C1QTNF9: variants seen among roughly 807,000 people sequenced by gnomAD.
C1QTNF9 encodes C1q and TNF related 9, also known as complement C1q and tumor necrosis factor-related protein 9A.
C1QTNF9 carries 6 observed loss-of-function variants against 10.1 expected under a neutral mutation model. The ratio of observed to expected loss-of-function variants is 0.59; its 90% confidence interval spans 0.32 to 1.17. The LOEUF is 1.17. C1QTNF9 is among the 50% of genes most tolerant of loss of function. C1QTNF9 has a pLI of 0.04. For missense variants in C1QTNF9, 201 were observed against 418.8 expected (o/e 0.48, Z 4.54); for synonymous variants, 98 against 163.5 (o/e 0.60, Z 3.06).
chr13:24,319,463 T>G (rs1374269177), intron 3 of C1QTNF9, among the ~76,000 whole-genome samples: 1 of 152,008 alleles, frequency 6.6e-6, no homozygotes, highest in Non-Finnish European at 1.5e-5. Context: ...CGCTTGAGCC[T>G]GGGAGGTTGG....
chr13:24,310,769 A>G (rs1301065245), intron 1 of C1QTNF9, among the ~76,000 whole-genome samples: 21 of 151,712 alleles, frequency 1.4e-4, no homozygotes, highest in Admixed American at 1.3e-4. Flanking sequence ...AAAATTAGCC[A>G]GGCGTGGTGG....
intron 1 of C1QTNF9, among the ~76,000 whole-genome samples, chr13:24,311,898 C>T (rs1476495317): frequency 2.0e-5 from 3 of 152,258 alleles, no homozygotes; most frequent in East Asian, 1.9e-4. Context: ...CGGGAAAGGG[C>T]ACCCCCTTAC....
At chr13:24,313,474 G>C (rs1418738714) in intron 1 of C1QTNF9, among the ~76,000 whole-genome samples, 1 of 152,188 alleles carries the variant, frequency 6.6e-6, no homozygotes, top group African/African-American at 2.4e-5. Context: ...ATTTCGATTT[G>C]ACTGCTTCCG....
chr13:24,317,505 T>C (rs930502178), intron 2 of C1QTNF9, among the ~76,000 whole-genome samples: 1 of 152,110 alleles, frequency 6.6e-6, no homozygotes. Flanking sequence ...ATTATGTATC[T>C]ATTTTTCTAC....
upstream of C1QTNF9, among the ~76,000 whole-genome samples, chr13:24,308,586 G>A (rs1282228023): frequency 6.6e-6 from 1 of 152,238 alleles, no homozygotes; most frequent in Non-Finnish European, 1.5e-5. Context: ...AGGCGGGAGA[G>A]GGAGTCGGCG....
At chr13:24,309,283 T>TTTTATATATATATATATATATATATA (rs1422107558), upstream of C1QTNF9, among the ~76,000 whole-genome samples, 1 of 68,290 alleles carries the variant, frequency 1.5e-5, no homozygotes, top group African/African-American at 4.9e-5. Context: ...ACTTAAAGTA[T>TTTTATATATATATATATATATATATA]TATATATATA....
chr13:24,312,635 T>A (rs1877872077), intron 1 of C1QTNF9, among the ~76,000 whole-genome samples: 1 of 152,150 alleles, frequency 6.6e-6, no homozygotes, highest in Non-Finnish European at 1.5e-5. Context: ...ATAGGAGGTA[T>A]AAACTTGCTA....
chr13:24,310,618 G>A (rs1877777372), intron 1 of C1QTNF9, among the ~76,000 whole-genome samples: 1 of 151,458 alleles, frequency 6.6e-6, no homozygotes, highest in Non-Finnish European at 1.5e-5. Context: ...TAACTGTCAA[G>A]ATATGTTGAA....
At chr13:24,315,987 A>G (rs1878006198) in exon 2 of C1QTNF9, 1 of 1,613,748 alleles carries the variant, frequency 6.2e-7, no homozygotes, top group South Asian at 1.1e-5. Context: ...TTCAGTTCAG[A>G]GTCTGTCATC....
At chr13:24,313,194 A>C (rs1477798040) in intron 1 of C1QTNF9, among the ~76,000 whole-genome samples, 2 of 152,250 alleles carry the variant, frequency 1.3e-5, no homozygotes, top group Non-Finnish European at 2.9e-5. Context: ...TAGTTAATCA[A>C]AATCATTTGC....
upstream of C1QTNF9, among the ~76,000 whole-genome samples, chr13:24,307,894 C>A (rs1213839139): frequency 1.3e-5 from 2 of 152,194 alleles, no homozygotes; most frequent in African/African-American, 4.8e-5. Context: ...GCGCTGCAGT[C>A]GGGAAACACC....
intron 1 of C1QTNF9, among the ~76,000 whole-genome samples, chr13:24,313,751 T>G (rs1330571751): frequency 6.6e-6 from 1 of 152,206 alleles, no homozygotes; most frequent in East Asian, 1.9e-4. Context: ...AAAAAAGCAT[T>G]TTTTATAAAT....
chr13:24,312,732 G>C (rs1340780536), intron 1 of C1QTNF9, among the ~76,000 whole-genome samples: 1 of 151,818 alleles, frequency 6.6e-6, no homozygotes, highest in Non-Finnish European at 1.5e-5. Flanking sequence ...CGAGGTGGGC[G>C]AATCACAAGG....
chr13:24,321,900 T>C (rs1593538494), exon 4 of C1QTNF9: 1 of 1,256,850 alleles, frequency 8.0e-7, no homozygotes, highest in African/African-American at 1.5e-5. Context: ...GGAAAAGTTA[T>C]TCCCAAAACT....
intron 2 of C1QTNF9, among the ~76,000 whole-genome samples, chr13:24,317,201 A>T (rs1878071775): frequency 6.6e-6 from 1 of 152,160 alleles, no homozygotes; most frequent in African/African-American, 2.4e-5. Context: ...ATGAATAGCA[A>T]AACCTTACCA....
At chr13:24,321,818 G>A (rs748441695) in exon 4 of C1QTNF9, 1 of 1,504,136 alleles carries the variant, frequency 6.6e-7, no homozygotes, top group African/African-American at 1.4e-5. Flanking sequence ...ATCAGCTTGG[G>A]ATGAACTTAT....
At chr13:24,312,913 C>T (rs552337224) in intron 1 of C1QTNF9, among the ~76,000 whole-genome samples, 5 of 150,224 alleles carry the variant, frequency 3.3e-5, no homozygotes, top group Non-Finnish European at 7.4e-5. Context: ...CAAGATCGCG[C>T]CACTGCACTC....
chr13:24,319,430 C>T (rs9507302), intron 3 of C1QTNF9, among the ~76,000 whole-genome samples: 49,426 of 151,816 alleles, frequency 0.33, 8,054 homozygotes, highest in Middle Eastern at 0.4. Flanking sequence ...TCCCAGCTAC[C>T]CAGGAGGCTG....
At chr13:24,313,858 CATTT>C (rs1198856952) in intron 1 of C1QTNF9, among the ~76,000 whole-genome samples, 3 of 152,184 alleles carry the variant, frequency 2.0e-5, no homozygotes. Flanking sequence ...GTCGTAAGTA[CATTT>C]ATAATGTGCA....
Sources: allele counts gnomAD v4.1 joint callset (sites outside exome capture counted in the v4.1 genomes callset), GRCh38; gene constraint gnomAD v4.1.1; transcripts MANE v1.5; gene names NCBI Gene and HGNC (gene_info 2026-07-23, HGNC 2026-07-21).